The following SLC7A2 variants were observed in gnomAD, a reference collection of about 807,000 sequenced individuals.
The protein encoded by SLC7A2 is cationic amino acid transporter 2.
Under a neutral mutation model 58.9 loss-of-function variants are expected in SLC7A2, and 48 were observed. That is an observed-to-expected ratio of 0.82 (90% CI 0.65 to 1.04). SLC7A2 has a LOEUF of 1.04. Ranked by LOEUF, SLC7A2 falls within the 50% of genes least tolerant of loss-of-function variation. SLC7A2 has a pLI of 0.00. For synonymous variants in SLC7A2, 363 were observed against 314.5 expected (o/e 1.15, Z -1.63); for missense variants, 1,029 against 818.8 (o/e 1.26, Z -3.13).
chr8:17,540,420 C>T (rs548096955), intron 2 of SLC7A2, among the ~76,000 whole-genome samples: 2 of 152,114 alleles, frequency 1.3e-5, no homozygotes, highest in Admixed American at 6.6e-5. Flanking sequence ...CCCAGAGTAA[C>T]ATGGAGAACC....
intron 9 of SLC7A2, among the ~76,000 whole-genome samples, 196 bp from the exon 10 acceptor site, chr8:17,560,132 G>A (rs1802895217): frequency 6.6e-6 from 1 of 152,016 alleles, no homozygotes; most frequent in Non-Finnish European, 1.5e-5. Context: ...GGGGAAATTG[G>A]GGTATTTTGC....
intron 2 of SLC7A2, among the ~76,000 whole-genome samples, chr8:17,511,904 C>T (rs770145756): frequency 3.3e-5 from 5 of 152,166 alleles, no homozygotes; most frequent in Non-Finnish European, 7.3e-5. Flanking sequence ...CACACTGACA[C>T]TATGGAACTA....
chr8:17,545,678 G>A (rs745844288), intron 4 of SLC7A2, among the ~76,000 whole-genome samples: 17 of 151,950 alleles, frequency 1.1e-4, no homozygotes, highest in African/African-American at 3.1e-4. Flanking sequence ...GATTACAGGC[G>A]TGAGCCACCA....
chr8:17,564,935 T>C lies in SLC7A2; in HGVS notation c.1781-15T>C, dbSNP rs185238802. 5 of 1,556,700 alleles carry C rather than the reference T, an allele frequency of 3.2e-6. No homozygotes were observed. In the African/African-American group the frequency reaches 4.2e-5, roughly 13 times the overall value. The stretch of plus-strand genomic sequence containing the variant: ...ATACCTGAAACATTGATTTTTTTTT[T>C]TCCTGCCCCAACAGGCTTCCTGATT... On this transcript the variant is annotated splice_polypyrimidine_tract_variant and intron_variant, in intron 12 of 12. Transcript: ENST00000494857.
chr8:17,504,452 T>C (rs55819528), intron 2 of SLC7A2, among the ~76,000 whole-genome samples: 37,172 of 152,194 alleles, frequency 0.24, 5,467 homozygotes, highest in Non-Finnish European at 0.34. Context: ...TAATTCTAAT[T>C]GGCGGAGCCC....
intron 3 of SLC7A2, 123 bp from the exon 4 acceptor site, chr8:17,544,328 C>T: frequency 8.3e-6 from 6 of 721,224 alleles, no homozygotes; most frequent in South Asian, 2.0e-5. Context: ...TATCCAGATA[C>T]TGTATATGTG....
intron 2 of SLC7A2, among the ~76,000 whole-genome samples, chr8:17,528,209 C>T (rs1801296392): frequency 1.3e-5 from 2 of 152,004 alleles, no homozygotes; most frequent in Admixed American, 1.3e-4. Flanking sequence ...CGTACACTGT[C>T]GAGGTGGTTT....
chr8:17,517,290 G>T (rs1402250338), intron 2 of SLC7A2, among the ~76,000 whole-genome samples: 1 of 152,154 alleles, frequency 6.6e-6, no homozygotes, highest in African/African-American at 2.4e-5. Flanking sequence ...CAGGCAAAAT[G>T]AAACCACAAA....
rs2150776893 is a variant in SLC7A2 at position 17,560,455 on chromosome 8, A to G, written c.1426A>G (p.Met476Val). ...VTMLQRQGFS[M>V]RTLFCPSLLP... is the part of the protein sequence containing the mutation. Reference sequence around the variant, plus strand: ...CATGCTGCAGAGACAGGGCTTCAGCATGCGGACCCTCTTCTGCCCCTCCCT... The same window carrying G: ...CATGCTGCAGAGACAGGGCTTCAGCGTGCGGACCCTCTTCTGCCCCTCCCT... Residue 476 changes from methionine to valine, a missense_variant, in exon 10 of 13, where the codon ATG (methionine) becomes GTG (valine). By Grantham distance (21) the Met-to-Val change is conservative. Coordinates refer to ENST00000494857, the MANE Select transcript of SLC7A2 (RefSeq NM_001370338.1). 1 of 1,614,100 alleles carries G rather than the reference A, an allele frequency of 6.2e-7. No homozygotes were observed. Among genetic ancestry groups the G allele is most frequent in the East Asian group, 2.2e-5 (1 of 44,886 alleles).
At chr8:17,495,640 C>G (rs1799938824), upstream of SLC7A2, among the ~76,000 whole-genome samples, 1 of 152,172 alleles carries the variant, frequency 6.6e-6, no homozygotes, top group Non-Finnish European at 1.5e-5. Flanking sequence ...ACCTCCGCCT[C>G]CTGGGCTCAA....
chr8:17,542,386 C>A (rs1276551034), intron 2 of SLC7A2, among the ~76,000 whole-genome samples: 4 of 152,176 alleles, frequency 2.6e-5, no homozygotes, highest in African/African-American at 4.8e-5. Flanking sequence ...CATGGTGGTT[C>A]ATGCGTGTAA....
intron 2 of SLC7A2, among the ~76,000 whole-genome samples, chr8:17,529,677 T>G (rs968144718): frequency 6.6e-6 from 1 of 151,906 alleles, no homozygotes; most frequent in Non-Finnish European, 1.5e-5. Context: ...TGGGATTATA[T>G]GTGTCCACCA....
chr8:17,538,776 G>T, intron 2 of SLC7A2: 2 of 1,609,784 alleles, frequency 1.2e-6, no homozygotes, highest in Non-Finnish European at 1.7e-6. Flanking sequence ...TTTTCCATCA[G>T]TCCCAAAACA....
intron 1 of SLC7A2, chr8:17,499,223 C>G (rs1277215388): frequency 6.6e-6 from 1 of 152,230 alleles, no homozygotes; most frequent in Non-Finnish European, 1.5e-5. Context: ...CTGGCAACTT[C>G]TCTATTTCAC....
At chr8:17,543,768 T>C in intron 3 of SLC7A2, 53 bp downstream of exon 3, 1 of 1,476,078 alleles carries the variant, frequency 6.8e-7, no homozygotes. Flanking sequence ...ATCGCAGCCC[T>C]GAGTCACAGC....
intron 2 of SLC7A2, among the ~76,000 whole-genome samples, chr8:17,516,146 A>G (rs1433308878): frequency 6.6e-6 from 1 of 152,064 alleles, no homozygotes; most frequent in African/African-American, 2.4e-5. Flanking sequence ...ACTTTTTGCT[A>G]TTTGTCAGAC....
intron 2 of SLC7A2, among the ~76,000 whole-genome samples, chr8:17,502,596 C>T (rs116815426): frequency 0.014 from 2,168 of 152,236 alleles, 67 homozygotes; most frequent in African/African-American, 0.049. Flanking sequence ...TTTCCAGGTT[C>T]CTGGTTCTTG....
intron 2 of SLC7A2, 87 bp from the exon 3 acceptor site, chr8:17,543,231 C>CAT: frequency 1.7e-6 from 2 of 1,195,418 alleles, no homozygotes; most frequent in Non-Finnish European, 2.4e-6. Flanking sequence ...CACACACACA[C>CAT]ATACTCTAAT....
In SLC7A2 at chr8:17,507,656, TA is replaced by T. The variant is rs1800426765; in HGVS notation, c.-23+5355del. On this transcript the variant is annotated intron_variant, in intron 2 of 12. Transcript: ENST00000494857. ...ATTGAAATATTCTGTGTCCTATAAA[TA>T]TGTACAATTATTACATGTCAGTGAA... Among the ~76,000 whole-genome samples, 3 of 152,332 alleles carry T rather than the reference TA, an allele frequency of 2.0e-5. No homozygotes were observed. In the South Asian group the frequency reaches 6.2e-4, roughly 32 times the overall value.
Sources: gnomAD v4.1 joint callset for allele counts (sites outside exome capture counted in the v4.1 genomes callset) on GRCh38, gnomAD v4.1.1 for gene constraint, MANE v1.5 for transcripts, NCBI Gene and HGNC (gene_info 2026-07-23, HGNC 2026-07-21) for gene names.